Variants in HDAC4 observed in about 807,000 individuals in gnomAD.
HDAC4 encodes histone deacetylase 4, also known as histone deacetylase A.
In HDAC4, 16 loss-of-function variants were observed where a neutral mutation model predicts 135.1. That is an observed-to-expected ratio of 0.12 (90% CI 0.08 to 0.18). The LOEUF (loss-of-function observed/expected upper bound fraction) is 0.18, where lower values mean the gene tolerates loss of function less well. Ranked by LOEUF, HDAC4 falls within the 10% of genes least tolerant of loss-of-function variation. The probability of loss-of-function intolerance (pLI) is 1.00; values close to 1 mark genes in which losing one functional copy is unlikely to be tolerated. For missense variants in HDAC4, 1,143 were observed against 1,511.8 expected (o/e 0.76, Z 4.05); for synonymous variants, 685 against 653.4 (o/e 1.05, Z -0.74).
chr2:239,330,779 T>C (rs997220368), intron 2 of HDAC4, among the ~76,000 whole-genome samples: 10 of 152,246 alleles, frequency 6.6e-5, no homozygotes, highest in Non-Finnish European at 1.5e-4. Context: ...TACAAGTATA[T>C]TTATCTTTAA....
chr2:239,264,073 A>G (rs2125133668), intron 2 of HDAC4, among the ~76,000 whole-genome samples: 1 of 152,062 alleles, frequency 6.6e-6, no homozygotes, highest in South Asian at 2.1e-4. Flanking sequence ...GGGAAGACAC[A>G]GCCCTGGAAA....
rs112489844 is a variant in HDAC4 at position 239,049,652 on chromosome 2, G to T, written c.*3445C>A. 1.3e-5 allele frequency: 2 copies of T among 152,502 alleles called. No individual in the cohort carries two copies. Among genetic ancestry groups the T allele is most frequent in the Admixed American group, 6.5e-5 (1 of 15,282 alleles). 9.4% of individuals were successfully genotyped at this position (152,502 alleles called of 1,614,324 possible). ...AAAAATCAAACTTGCTTTTGTGTCA[G>T]ACCATTACGAAATGGTCCTTCCCCT... On this transcript the variant is annotated 3_prime_UTR_variant, in exon 27 of 27. Coordinates refer to ENST00000543185, the MANE Select transcript of HDAC4 (RefSeq NM_001378414.1).
intron 2 of HDAC4, among the ~76,000 whole-genome samples, chr2:239,288,202 A>G (rs964931846): frequency 6.6e-6 from 1 of 152,246 alleles, no homozygotes; most frequent in Non-Finnish European, 1.5e-5. Flanking sequence ...ACTGGAAGAG[A>G]TAAGGGAAGT....
chr2:239,189,405 T>C (rs2044756808), intron 4 of HDAC4, among the ~76,000 whole-genome samples: 1 of 152,226 alleles, frequency 6.6e-6, no homozygotes, highest in Non-Finnish European at 1.5e-5. Flanking sequence ...TATCTTTTTC[T>C]AATTATAAAA....
In HDAC4 at chr2:239,141,992, G is replaced by A. The variant is rs79770095; in HGVS notation, c.866-2196C>T. Among the ~76,000 whole-genome samples, 14,130 of 152,146 alleles carry A rather than the reference G, an allele frequency of 0.093. 2,228 individuals carry two copies. The highest frequency in any genetic ancestry group is 0.32 in the African/African-American group (13,345 of 41,412). Reference sequence around the variant, plus strand: ...TGGCTGAAATTGAGTGGAGAGGGATGCAGGATGGCGCAGGAAGATGGTGAG... The same window carrying A: ...TGGCTGAAATTGAGTGGAGAGGGATACAGGATGGCGCAGGAAGATGGTGAG... On this transcript the variant is annotated intron_variant, in intron 8 of 26. Coordinates refer to ENST00000543185, the MANE Select transcript of HDAC4 (RefSeq NM_001378414.1). This position sits in a 1 kb window ranked among gnomAD's most constrained non-coding sequence, Gnocchi z 4.9.
At chr2:239,074,406 A>T (rs1271188346) in intron 22 of HDAC4, among the ~76,000 whole-genome samples, 1 of 152,200 alleles carries the variant, frequency 6.6e-6, no homozygotes, top group African/African-American at 2.4e-5. Context: ...TCCCCCTCCA[A>T]AAAGAAGTCC....
rs1269155404 is a variant in HDAC4 at position 239,313,806 on chromosome 2, C to A, written c.22+38872G>T. Among the ~76,000 whole-genome samples the A allele has an allele frequency of 6.6e-6, 1 of 152,138 alleles. No homozygotes were observed. Among genetic ancestry groups the A allele is most frequent in the African/African-American group, 2.4e-5 (1 of 41,426 alleles). ...TTGGCTGAAGAGTGAGGAATATACTCCAAAGACAGGAATTCAAGGCAGGGC... is the reference window on the plus strand; with the variant it reads ...TTGGCTGAAGAGTGAGGAATATACTACAAAGACAGGAATTCAAGGCAGGGC... On this transcript the variant is annotated intron_variant, in intron 2 of 26. Coordinates refer to ENST00000543185, the MANE Select transcript of HDAC4 (RefSeq NM_001378414.1). This position sits in a 1 kb window ranked among gnomAD's most constrained non-coding sequence, Gnocchi z 5.1.
chr2:239,085,826 C>A (rs936249789), intron 19 of HDAC4: 3 of 147,262 alleles, frequency 2.0e-5, no homozygotes, highest in Admixed American at 1.3e-4. Flanking sequence ...CTATCTCTCA[C>A]GTACAATCTC....
intron 4 of HDAC4, among the ~76,000 whole-genome samples, chr2:239,179,335 G>A (rs909394395): frequency 2.6e-5 from 4 of 152,204 alleles, no homozygotes; most frequent in African/African-American, 9.7e-5. Flanking sequence ...GTTAGGAAAT[G>A]GGCCACAAAG....
chr2:239,208,114 A>G (rs2046148348), intron 3 of HDAC4, among the ~76,000 whole-genome samples: 1 of 151,788 alleles, frequency 6.6e-6, no homozygotes, highest in South Asian at 2.1e-4. Flanking sequence ...CGAGGTCAGG[A>G]GATGGAGACC....
intron 4 of HDAC4, among the ~76,000 whole-genome samples, chr2:239,177,196 AG>A (rs1419667632): frequency 1.3e-5 from 2 of 152,248 alleles, no homozygotes; most frequent in East Asian, 3.8e-4. Flanking sequence ...ACTGCTAAAC[AG>A]CAGGTGTTGG....
chr2:239,180,782 G>A (rs962520255), intron 4 of HDAC4, among the ~76,000 whole-genome samples: 1 of 152,220 alleles, frequency 6.6e-6, no homozygotes, highest in African/African-American at 2.4e-5. Flanking sequence ...CCACCCCGAG[G>A]AAGAGTCCCC....
intron 6 of HDAC4, among the ~76,000 whole-genome samples, chr2:239,158,750 G>T (rs1254061530): frequency 6.6e-6 from 1 of 152,070 alleles, no homozygotes; most frequent in Non-Finnish European, 1.5e-5. Context: ...CACCAGGAGA[G>T]GGCGGCCCTC....
At chr2:239,151,459 T>C (rs1006369562) in intron 7 of HDAC4, among the ~76,000 whole-genome samples, 2 of 152,054 alleles carry the variant, frequency 1.3e-5, no homozygotes, top group East Asian at 1.9e-4. Context: ...AAGCAATGGA[T>C]GGATGTTTCC....
intron 12 of HDAC4, among the ~76,000 whole-genome samples, chr2:239,119,442 G>A (rs1253450349): frequency 2.6e-5 from 4 of 152,184 alleles, no homozygotes; most frequent in Admixed American, 2.6e-4. Flanking sequence ...CAGACCACAG[G>A]CTGAGGACAT....
intron 5 of HDAC4, among the ~76,000 whole-genome samples, chr2:239,169,767 TCTC>T (rs552362146): frequency 8.9e-4 from 136 of 152,162 alleles, no homozygotes; most frequent in Admixed American, 2.1e-3. Flanking sequence ...GCAGGGTCCT[TCTC>T]CTCAAGGCCT....
At chr2:239,369,312 C>T (rs963642095) in intron 1 of HDAC4, among the ~76,000 whole-genome samples, 1 of 152,152 alleles carries the variant, frequency 6.6e-6, no homozygotes, top group Admixed American at 6.5e-5. Flanking sequence ...AGCATGTCTA[C>T]GGTTGGAGCT....
Position 239,117,951 on chromosome 2 carries a change from A to G in HDAC4, c.1534-2641T>C, listed in dbSNP as rs1444038677. The stretch of plus-strand genomic sequence containing the variant: ...CCTTGCATTTCAACACCCTTAGAGC[A>G]CTGCATGCTGCTCCACACTCACGCG... On this transcript the variant is annotated intron_variant, in intron 12 of 26. Coordinates refer to ENST00000543185, the MANE Select transcript of HDAC4 (RefSeq NM_001378414.1). Among the ~76,000 whole-genome samples, 29 of 152,192 alleles carry G rather than the reference A, an allele frequency of 1.9e-4. 1 individual carries two copies. Among genetic ancestry groups the G allele is most frequent in the Admixed American group, 1.9e-3 (29 of 15,288 alleles).
chr2:239,123,995 G>A (rs754576284), intron 12 of HDAC4, among the ~76,000 whole-genome samples: 2 of 151,772 alleles, frequency 1.3e-5, no homozygotes, highest in Admixed American at 1.3e-4. Flanking sequence ...GAAATCCAGG[G>A]AAGCAACGGG....
Sources: gnomAD v4.1 joint callset for allele counts (sites outside exome capture counted in the v4.1 genomes callset) on GRCh38, gnomAD v4.1.1 for gene constraint, Gnocchi (gnomAD v3.1) non-coding constraint, MANE v1.5 for transcripts, NCBI Gene and HGNC (gene_info 2026-07-23, HGNC 2026-07-21) for gene names.